The following CNTLN variants were observed in gnomAD, a reference collection of about 807,000 sequenced individuals.
The protein encoded by CNTLN is centlein, centrosomal protein.
In CNTLN, 212 loss-of-function variants were observed where a neutral mutation model predicts 180.0. The observed-to-expected ratio is 1.18, with a 90% CI of 1.05 to 1.32. The LOEUF is 1.32. CNTLN is among the 40% of genes most tolerant of loss of function. The pLI, the probability that CNTLN is intolerant of heterozygous loss-of-function variation, is 0.00. For missense variants in CNTLN, 2,095 were observed against 1,610.9 expected, an observed-to-expected ratio of 1.30 and a Z score of -5.14; for synonymous variants, 722 against 563.1, an observed-to-expected ratio of 1.28 and a Z score of -3.99.
At chr9:17,373,614 G>A (rs1423705701) in intron 13 of CNTLN, among the ~76,000 whole-genome samples, 2 of 151,974 alleles carry the variant, frequency 1.3e-5, no homozygotes, top group Non-Finnish European at 2.9e-5. Flanking sequence ...ATTCTTCACA[G>A]AAACAGAAAA....
Position 17,303,406 on chromosome 9 carries a change from T to A in CNTLN, c.1146+5054T>A, listed in dbSNP as rs149439694. Among the ~76,000 whole-genome samples, 751 of 152,328 alleles carry A rather than the reference T, an allele frequency of 4.9e-3. 4 individuals carry two copies. Among genetic ancestry groups the A allele is most frequent in the African/African-American group, 0.017 (698 of 41,576 alleles). Reference sequence around the variant, plus strand: ...TGCTCTCTTTTTGGTGACCAGAGTATAGCAGTTACCTTTCTCTGTGAAAAG... The same window carrying A: ...TGCTCTCTTTTTGGTGACCAGAGTAAAGCAGTTACCTTTCTCTGTGAAAAG... On this transcript the variant is annotated intron_variant, in intron 7 of 25. Coordinates refer to ENST00000380647, the MANE Select transcript of CNTLN (RefSeq NM_017738.4).
At chr9:17,465,107 G>A (rs1170814298) in intron 21 of CNTLN, among the ~76,000 whole-genome samples, 3 of 149,670 alleles carry the variant, frequency 2.0e-5, no homozygotes, top group Admixed American at 6.7e-5. Flanking sequence ...ATGACCCAAA[G>A]TAGAAGGGTT....
intron 6 of CNTLN, among the ~76,000 whole-genome samples, chr9:17,279,729 C>T (rs1256907767): frequency 1.3e-5 from 2 of 151,822 alleles, no homozygotes; most frequent in African/African-American, 2.4e-5. Flanking sequence ...CTAATTTAAT[C>T]ACATGGCCTA....
At chr9:17,273,927 A>G in intron 6 of CNTLN, 61 bp downstream of exon 6, 1 of 1,243,582 alleles carries the variant, frequency 8.0e-7, no homozygotes, top group Non-Finnish European at 1.1e-6. Context: ...TCAGAATGAT[A>G]CCATTTATAC....
At chr9:17,295,083 G>A (rs1158887824) in intron 6 of CNTLN, among the ~76,000 whole-genome samples, 3 of 151,926 alleles carry the variant, frequency 2.0e-5, no homozygotes, top group Non-Finnish European at 4.4e-5. Context: ...TGGGTGCTAA[G>A]CCCCTCACTG....
At chr9:17,279,565 A>G (rs916910331) in intron 6 of CNTLN, among the ~76,000 whole-genome samples, 9 of 151,850 alleles carry the variant, frequency 5.9e-5, no homozygotes, top group African/African-American at 2.2e-4. Flanking sequence ...TGGTTCTTAG[A>G]ACAGAGAAAA....
intron 15 of CNTLN, among the ~76,000 whole-genome samples, chr9:17,399,688 C>T (rs1428277921): frequency 6.6e-6 from 1 of 152,156 alleles, no homozygotes; most frequent in East Asian, 1.9e-4. Flanking sequence ...ACATACTCCT[C>T]CCAAAATATA....
chr9:17,294,754 C>T lies in CNTLN; in HGVS notation c.984-3436C>T, dbSNP rs571537158. Among the ~76,000 whole-genome samples, 22 of 114,336 alleles carry T rather than the reference C, an allele frequency of 1.9e-4. 1 individual carries two copies. The highest frequency in any genetic ancestry group is 6.3e-4 in the African/African-American group (19 of 30,148). 75.0% of individuals were successfully genotyped at this position (114,336 alleles called of 152,430 possible). ...GAGCTCGTCGGGGAGGCTGTGGCTG[C>T]GCAGGAGCCCACCGCGGGGGGAGTG... On this transcript the variant is annotated intron_variant, in intron 6 of 25. Coordinates refer to ENST00000380647, the MANE Select transcript of CNTLN (RefSeq NM_017738.4).
intron 12 of CNTLN, among the ~76,000 whole-genome samples, chr9:17,352,480 G>T (rs912878585): frequency 1.2e-4 from 18 of 148,730 alleles, no homozygotes; most frequent in African/African-American, 4.5e-4. Context: ...GAGATGGAAA[G>T]AAAATGCTTA....
At chr9:17,246,173 T>G (rs912215300) in intron 5 of CNTLN, among the ~76,000 whole-genome samples, 9 of 152,180 alleles carry the variant, frequency 5.9e-5, no homozygotes, top group African/African-American at 2.2e-4. Context: ...TGTACTCATC[T>G]TTCTCAGGAG....
chr9:17,181,441 C>T (rs879292518), intron 2 of CNTLN, among the ~76,000 whole-genome samples: 2 of 152,138 alleles, frequency 1.3e-5, no homozygotes, highest in African/African-American at 4.8e-5. Flanking sequence ...TTTCTTTTAC[C>T]TTCATAACTG....
intron 18 of CNTLN, chr9:17,447,637 C>T (rs1186359003): frequency 1.3e-5 from 2 of 153,354 alleles, no homozygotes; most frequent in African/African-American, 2.4e-5. Flanking sequence ...GTTTATTCAA[C>T]TGAAGTTCAA....
chr9:17,319,980 T>C (rs959694452), intron 8 of CNTLN, among the ~76,000 whole-genome samples: 3 of 152,226 alleles, frequency 2.0e-5, no homozygotes, highest in African/African-American at 7.2e-5. Flanking sequence ...TCTGAATGAC[T>C]GCCTATTCTT....
At chr9:17,444,019 CTG>C (rs1830262477) in intron 18 of CNTLN, among the ~76,000 whole-genome samples, 1 of 152,128 alleles carries the variant, frequency 6.6e-6, no homozygotes, top group South Asian at 2.1e-4. Flanking sequence ...ACTAAGAAGA[CTG>C]TATTAACAAG....
chr9:17,395,449 A>G (rs1164235902), intron 15 of CNTLN, among the ~76,000 whole-genome samples: 1 of 152,170 alleles, frequency 6.6e-6, no homozygotes, highest in Non-Finnish European at 1.5e-5. Context: ...AAGTCGGTTT[A>G]GTTATCTTGT....
intron 2 of CNTLN, among the ~76,000 whole-genome samples, chr9:17,155,199 ACACT>A (rs1448513575): frequency 1.3e-5 from 2 of 152,186 alleles, no homozygotes; most frequent in African/African-American, 2.4e-5. Context: ...AAGAACTGTA[ACACT>A]CACCGCGAGG....
intron 25 of CNTLN, among the ~76,000 whole-genome samples, chr9:17,500,201 T>G (rs146802440): frequency 2.6e-5 from 4 of 152,298 alleles, no homozygotes; most frequent in African/African-American, 9.6e-5. Flanking sequence ...TACAGTTGTG[T>G]TTAACTCTGA....
At chr9:17,440,350 G>T (rs1201203096) in intron 18 of CNTLN, among the ~76,000 whole-genome samples, 2 of 149,878 alleles carry the variant, frequency 1.3e-5, no homozygotes, top group African/African-American at 4.9e-5. Context: ...GAGGCGGGTG[G>T]ATCATGAGGT....
At chr9:17,416,952 C>CT (rs1828301141) in intron 18 of CNTLN, among the ~76,000 whole-genome samples, 1 of 152,096 alleles carries the variant, frequency 6.6e-6, no homozygotes, top group African/African-American at 2.4e-5. Flanking sequence ...CTTAAATTCT[C>CT]TAATTCTAGT....
Sources: gnomAD v4.1 joint callset for allele counts (sites outside exome capture counted in the v4.1 genomes callset) on GRCh38, gnomAD v4.1.1 for gene constraint, MANE v1.5 for transcripts, NCBI Gene and HGNC (gene_info 2026-07-23, HGNC 2026-07-21) for gene names.